BLMH: variants seen among roughly 807,000 people sequenced by gnomAD.
The protein encoded by BLMH is bleomycin hydrolase.
In BLMH, 32 loss-of-function variants were observed where a neutral mutation model predicts 61.6. That is an observed-to-expected ratio of 0.52 (90% confidence interval 0.39 to 0.70). BLMH has a LOEUF of 0.70. BLMH is among the 30% of genes least tolerant of loss of function. The pLI is 0.00. For missense variants in BLMH, 460 were observed against 555.5 expected (o/e 0.83, Z 1.73); for synonymous variants, 183 against 193.8 (o/e 0.94, Z 0.46).
At chr17:30,261,045 C>CT (rs1418937874) in intron 11 of BLMH, among the ~76,000 whole-genome samples, 1 of 152,174 alleles carries the variant, frequency 6.6e-6, no homozygotes, top group East Asian at 1.9e-4. Context: ...GAAACCTGTG[C>CT]TTTTAAGTTC....
intron 11 of BLMH, among the ~76,000 whole-genome samples, chr17:30,256,420 C>T: frequency 6.6e-6 from 1 of 152,160 alleles, no homozygotes; most frequent in East Asian, 1.9e-4. Context: ...CCTCTGCCTC[C>T]CGGGTTCAGG....
At chr17:30,259,683 G>A (rs560554385) in intron 11 of BLMH, among the ~76,000 whole-genome samples, 1 of 152,258 alleles carries the variant, frequency 6.6e-6, no homozygotes, top group African/African-American at 2.4e-5. Flanking sequence ...CTGTGTCACA[G>A]GTGAATAAGT....
In BLMH at chr17:30,291,406, A is replaced by T; in HGVS notation, c.116T>A (p.Ile39Asn). 1.2e-6 allele frequency: 2 copies of T among 1,614,156 alleles called. No homozygotes were observed. Among genetic ancestry groups the T allele is most frequent in the Non-Finnish European group, 1.7e-6 (2 of 1,180,034 alleles). ...CTGCACCGTGGCCCGCTTCAGACAGATGTCCAGCAGGTCGTGGGTGGTCCC... is the reference window on the plus strand; with the variant it reads ...CTGCACCGTGGCCCGCTTCAGACAGTTGTCCAGCAGGTCGTGGGTGGTCCC... ...NVGTTHDLLD[I>N]CLKRATVQRA... The change falls in exon 2 of 12, where the codon ATC becomes AAC. Residue 39 changes from isoleucine (I) to asparagine (N), a missense_variant. Coordinates refer to ENST00000261714, the MANE Select transcript of BLMH (RefSeq NM_000386.4).
intron 6 of BLMH, among the ~76,000 whole-genome samples, chr17:30,276,959 A>G (rs905845890): frequency 5.3e-5 from 8 of 152,176 alleles, no homozygotes; most frequent in African/African-American, 1.7e-4. Context: ...CATAGAACAC[A>G]TTATCTTTTG....
At chr17:30,266,261 C>T (rs1908102108) in intron 11 of BLMH, among the ~76,000 whole-genome samples, 1 of 152,144 alleles carries the variant, frequency 6.6e-6, no homozygotes, top group Non-Finnish European at 1.5e-5. Context: ...GGCGCAGTGG[C>T]TCACACCTGT....
At chr17:30,256,723 G>GAAA (rs577745264) in intron 11 of BLMH, among the ~76,000 whole-genome samples, 1 of 116,842 alleles carries the variant, frequency 8.6e-6, no homozygotes. Flanking sequence ...CTATTATAAT[G>GAAA]AAAAAAAAAA....
chr17:30,286,562 AT>A (rs1908732827), intron 5 of BLMH, among the ~76,000 whole-genome samples: 1 of 152,206 alleles, frequency 6.6e-6, no homozygotes, highest in Non-Finnish European at 1.5e-5. Context: ...ATGGGACTTT[AT>A]TTCCTAACTA....
chr17:30,290,505 T>C (rs375604630), intron 2 of BLMH, among the ~76,000 whole-genome samples: 1 of 152,226 alleles, frequency 6.6e-6, no homozygotes, highest in Admixed American at 6.5e-5. Flanking sequence ...ATAATGTACA[T>C]ACAATAAAAT....
intron 10 of BLMH, among the ~76,000 whole-genome samples, chr17:30,270,331 T>C: frequency 6.6e-6 from 1 of 151,746 alleles, no homozygotes; most frequent in Non-Finnish European, 1.5e-5. Context: ...AAAACCCCAC[T>C]TCTACTAAAA....
Position 30,274,175 on chromosome 17 carries a change from C to A in BLMH, c.668G>T (p.Cys223Phe). The part of the protein sequence containing the change: ...MEEIFRVVCI[C>F]LGNPPETFTW... ...GAATGTCTCTGGTGGATTACCCAAA[C>A]AGATGCACACCACTCGGAATATCTG... The change falls in exon 7 of 12, where the codon TGT (cysteine) becomes TTT (phenylalanine). Residue 223 changes from cysteine to phenylalanine, a missense_variant. This residue lies in a region of BLMH where 310 missense variants were observed against 371.1 expected (regional missense o/e 0.84). Coordinates refer to ENST00000261714, the MANE Select transcript of BLMH (RefSeq NM_000386.4). 6.2e-7 allele frequency: 1 copy of A among 1,614,090 alleles called. No individual in the cohort carries two copies. The highest frequency in any genetic ancestry group is 1.3e-5 in the African/African-American group (1 of 75,048).
intron 6 of BLMH, among the ~76,000 whole-genome samples, chr17:30,283,495 C>T (rs1422778668): frequency 1.3e-5 from 2 of 151,370 alleles, no homozygotes; most frequent in Non-Finnish European, 2.9e-5. Flanking sequence ...TTTGCAGAAC[C>T]TTCATTCCTA....
intron 4 of BLMH, 52 bp from the exon 5 acceptor site, chr17:30,286,954 G>A: frequency 2.6e-6 from 3 of 1,168,148 alleles, no homozygotes; most frequent in Non-Finnish European, 3.7e-6. Flanking sequence ...TAGAAACCCT[G>A]GCAAAAATAG....
At chr17:30,272,374 TAG>T in intron 9 of BLMH, 185 bp downstream of exon 9, 1 of 676,880 alleles carries the variant, frequency 1.5e-6, no homozygotes, top group East Asian at 2.5e-5. Context: ...TGTCCTGGGT[TAG>T]AGTGTTTAAG....
intron 11 of BLMH, among the ~76,000 whole-genome samples, chr17:30,260,456 T>TA (rs1449391455): frequency 6.6e-6 from 1 of 152,220 alleles, no homozygotes; most frequent in East Asian, 1.9e-4. Flanking sequence ...AGCCCTCTCT[T>TA]AGTCACACAC....
At chr17:30,291,709 C>G in intron 1 of BLMH, 98 bp downstream of exon 1, 1 of 1,409,214 alleles carries the variant, frequency 7.1e-7, no homozygotes, top group Non-Finnish European at 9.3e-7. Flanking sequence ...TCCCCGCCAT[C>G]GCCAAGGGTC....
rs140020352 is a variant in BLMH at position 30,287,831 on chromosome 17, T to C, written c.438A>G (p.Gln146=). Residue 146 remains glutamine (Q), a synonymous_variant, in exon 4 of 12, where the codon CAA becomes CAG. Coordinates refer to ENST00000261714, the MANE Select transcript of BLMH (RefSeq NM_000386.4). The part of the protein sequence containing the change: ...LLMNPANDGG[Q]WDMLVNIVEK... Reference sequence around the variant, plus strand: ...CAACAATATTAACAAGCATATCCCATTGGCCACCATCATTTGCAGGGTTCA... The same window carrying C: ...CAACAATATTAACAAGCATATCCCACTGGCCACCATCATTTGCAGGGTTCA... 4.3e-4 allele frequency: 699 copies of C among 1,613,998 alleles called. No homozygotes were observed. The highest frequency in any genetic ancestry group is 5.7e-4 in the Non-Finnish European group (677 of 1,179,972).
At chr17:30,269,613 T>C (rs1390884682) in intron 10 of BLMH, among the ~76,000 whole-genome samples, 1 of 152,238 alleles carries the variant, frequency 6.6e-6, no homozygotes, top group Non-Finnish European at 1.5e-5. Context: ...ACATAAGTAA[T>C]GCAAATTATA....
intron 6 of BLMH, among the ~76,000 whole-genome samples, chr17:30,276,678 A>C (rs555800706): frequency 6.6e-6 from 1 of 152,184 alleles, no homozygotes; most frequent in Non-Finnish European, 1.5e-5. Flanking sequence ...AACAAATCCA[A>C]ACTCCGTGAC....
In BLMH at chr17:30,275,514, C is replaced by G. The variant is rs535586045; in HGVS notation, c.646-1317G>C. Among the ~76,000 whole-genome samples, 144 of 151,264 alleles carry G rather than the reference C, an allele frequency of 9.5e-4. 1 individual carries two copies. The highest frequency in any genetic ancestry group is 8.0e-3 in the South Asian group (38 of 4,772). On this transcript the variant is annotated intron_variant, in intron 6 of 11. Coordinates refer to ENST00000261714, the MANE Select transcript of BLMH (RefSeq NM_000386.4). Reference sequence around the variant, plus strand: ...TCTTTACTAAAGATACAAAAGAAAACAAAACAAAACAAAACAAAAAAACTA... The same window carrying G: ...TCTTTACTAAAGATACAAAAGAAAAGAAAACAAAACAAAACAAAAAAACTA...
Sources: allele counts gnomAD v4.1 joint callset (sites outside exome capture counted in the v4.1 genomes callset), GRCh38; gene constraint gnomAD v4.1.1; regional missense constraint gnomAD v4.1.1; transcripts MANE v1.5; gene names NCBI Gene and HGNC (gene_info 2026-07-23, HGNC 2026-07-21).